The following DNAJC17 variants were observed in gnomAD, a reference collection of about 807,000 sequenced individuals.
DNAJC17 encodes the protein dnaJ homolog subfamily C member 17.
A neutral mutation model predicts 48.1 loss-of-function variants in DNAJC17; 35 were observed. The ratio of observed to expected loss-of-function variants is 0.73; its 90% CI spans 0.56 to 0.96. DNAJC17 has a LOEUF of 0.96. DNAJC17 is among the 50% of genes least tolerant of loss of function. The probability of loss-of-function intolerance (pLI) is 0.00; values close to 1 mark genes in which losing one functional copy is unlikely to be tolerated. For missense variants in DNAJC17, 355 were observed against 377.1 expected (o/e 0.94, Z 0.48); for synonymous variants, 117 against 142.7 (o/e 0.82, Z 1.28).
rs1383736592 is a variant in DNAJC17 at position 40,776,269 on chromosome 15, A to T, written c.405T>A (p.Gly135=). ...EQEIERLREE[G]SRQLEEQQRL... ...TCTGCTGTTCCTCCAGCTGCCGGGA[A>T]CCCTCTTCTCTCAGGCGTTCGATCT... Residue 135 remains glycine, a synonymous_variant, in exon 6 of 11, where the codon GGT becomes GGA. Coordinates refer to ENST00000220496, the MANE Select transcript of DNAJC17 (RefSeq NM_018163.3). 2 of 1,614,066 alleles carry T rather than the reference A, an allele frequency of 1.2e-6. No homozygotes were observed. The highest frequency in any genetic ancestry group is 3.3e-5 in the Admixed American group (2 of 60,018).
intron 1 of DNAJC17, among the ~76,000 whole-genome samples, chr15:40,802,939 A>G (rs114718284): frequency 0.054 from 8,186 of 152,110 alleles, 440 homozygotes; most frequent in African/African-American, 0.15. Context: ...CCCGATCTCT[A>G]CAAAAATACA....
intron 1 of DNAJC17, among the ~76,000 whole-genome samples, chr15:40,792,877 T>C (rs1319510396): frequency 9.9e-5 from 15 of 150,956 alleles, no homozygotes; most frequent in Admixed American, 9.9e-4. Flanking sequence ...AGACAGTAAA[T>C]GACCATGAAG....
At chr15:40,806,509 G>A (rs1332229297) in intron 1 of DNAJC17, among the ~76,000 whole-genome samples, 1 of 152,080 alleles carries the variant, frequency 6.6e-6, no homozygotes, top group South Asian at 2.1e-4. Flanking sequence ...GAGCCACCGC[G>A]CCCGGCCTAG....
chr15:40,784,729 C>T (rs1245289606), intron 1 of DNAJC17, among the ~76,000 whole-genome samples: 1 of 152,162 alleles, frequency 6.6e-6, no homozygotes, highest in Non-Finnish European at 1.5e-5. Context: ...TAAACCTCTG[C>T]CAGAGTGGTG....
chr15:40,788,758 C>T (rs1889715676), intron 1 of DNAJC17, among the ~76,000 whole-genome samples: 1 of 151,960 alleles, frequency 6.6e-6, no homozygotes, highest in South Asian at 2.1e-4. Flanking sequence ...ACCTGTAGTC[C>T]CAGCTACTTG....
At chr15:40,806,979 G>T in intron 1 of DNAJC17, 1 of 417,072 alleles carries the variant, frequency 2.4e-6, no homozygotes, top group Non-Finnish European at 4.3e-6. Flanking sequence ...GGCTCTTAGT[G>T]GAAGAATTAA....
At position 40,773,785 on chromosome 15, in the gene DNAJC17, G is replaced by T. The variant is rs1181307494; in HGVS notation, c.734C>A (p.Ser245Tyr). 6.2e-7 allele frequency: 1 copy of T among 1,614,064 alleles called. No homozygotes were observed. The highest frequency in any genetic ancestry group is 1.7e-5 in the Admixed American group (1 of 59,998). ...ATCCTGGGGCTGTCCCTCCAACCAGGAAATCTTCAGAGGGTTATCCACCAG... is the reference window on the plus strand; with the variant it reads ...ATCCTGGGGCTGTCCCTCCAACCAGTAAATCTTCAGAGGGTTATCCACCAG... ...VGLVDNPLKISWLEGQPQDAV... is the reference protein window; with the variant it reads ...VGLVDNPLKIYWLEGQPQDAV... The change falls in exon 10 of 11, where the codon TCC becomes TAC. Residue 245 changes from serine (S) to tyrosine (Y), a missense_variant. Around this residue, in one of 3 missense-constraint regions of DNAJC17, gnomAD observed 68 missense variants for 109.5 expected, o/e 0.62. Transcript: ENST00000220496.
intron 1 of DNAJC17, among the ~76,000 whole-genome samples, chr15:40,789,313 TC>T (rs1465210042): frequency 6.7e-6 from 1 of 149,916 alleles, no homozygotes; most frequent in Non-Finnish European, 1.5e-5. Flanking sequence ...GCTCCTCCCA[TC>T]CCCCCGGATC....
chr15:40,789,281 C>A (rs1354616370), intron 1 of DNAJC17, among the ~76,000 whole-genome samples: 2 of 152,056 alleles, frequency 1.3e-5, no homozygotes, highest in Non-Finnish European at 2.9e-5. Context: ...GGTTCCTCAG[C>A]CAATCCTGAG....
rs150163639 is a variant in DNAJC17 at position 40,803,795 on chromosome 15, T to C, written c.78+3574A>G. ...CAGGAGCAGCACCTGTTACCCTTTATAGAGTGGCTTCACACCTATCCCTTA... is the reference window on the plus strand; with the variant it reads ...CAGGAGCAGCACCTGTTACCCTTTACAGAGTGGCTTCACACCTATCCCTTA... On this transcript the variant is annotated intron_variant, in intron 1 of 10. Coordinates refer to ENST00000220496, the MANE Select transcript of DNAJC17 (RefSeq NM_018163.3). Among the ~76,000 whole-genome samples the C allele has an allele frequency of 9.7e-4, 148 of 152,204 alleles. No individual in the cohort carries two copies. In the Middle Eastern group the frequency reaches 0.014, roughly 14 times the overall value.
At chr15:40,803,491 A>T (rs564550826) in intron 1 of DNAJC17, among the ~76,000 whole-genome samples, 3 of 152,344 alleles carry the variant, frequency 2.0e-5, no homozygotes, top group Admixed American at 6.5e-5. Flanking sequence ...AAAGAAAAAT[A>T]GGTAAGGCCT....
intron 1 of DNAJC17, among the ~76,000 whole-genome samples, chr15:40,794,434 G>A (rs1011619368): frequency 2.0e-5 from 3 of 152,136 alleles, no homozygotes; most frequent in Non-Finnish European, 2.9e-5. Flanking sequence ...CACTTTGGGA[G>A]GCCAAGGCCA....
chr15:40,771,114 C>A, intron 10 of DNAJC17: 1 of 1,236,026 alleles, frequency 8.1e-7, no homozygotes, highest in Non-Finnish European at 1.1e-6. Flanking sequence ...AGGCCCATCG[C>A]TGGAGGGTTC....
intron 8 of DNAJC17, 63 bp from the exon 9 acceptor site, chr15:40,774,499 A>G (rs758944562): frequency 4.4e-6 from 7 of 1,585,752 alleles, no homozygotes; most frequent in Non-Finnish European, 6.1e-6. Flanking sequence ...AGGTCATGCC[A>G]GAGACAAGCC....
intron 1 of DNAJC17, among the ~76,000 whole-genome samples, chr15:40,789,903 C>CAA (rs71428311): frequency 0.02 from 398 of 20,022 alleles, 102 homozygotes; most frequent in Admixed American, 0.047. Flanking sequence ...CAGACTGTCT[C>CAA]AAAAAAAAAA....
intron 10 of DNAJC17, among the ~76,000 whole-genome samples, chr15:40,772,959 CTTTTT>C (rs754542485): frequency 7.5e-6 from 1 of 133,598 alleles, no homozygotes; most frequent in Non-Finnish European, 1.6e-5. Context: ...AGAGTTCCTT[CTTTTT>C]TTTTTTTTTT....
intron 4 of DNAJC17, among the ~76,000 whole-genome samples, chr15:40,778,308 C>T (rs1031430747): frequency 1.3e-5 from 2 of 152,118 alleles, no homozygotes; most frequent in African/African-American, 4.8e-5. Context: ...GGCTAGAGCA[C>T]AGCAGCGTGA....
At chr15:40,806,628 A>G (rs916207138) in intron 1 of DNAJC17, among the ~76,000 whole-genome samples, 2 of 152,044 alleles carry the variant, frequency 1.3e-5, no homozygotes, top group Non-Finnish European at 2.9e-5. Flanking sequence ...ACTAATTTTC[A>G]TTTGATGAAC....
chr15:40,776,474 C>T lies in DNAJC17; in HGVS notation c.381+68G>A, dbSNP rs868546616. On this transcript the variant is annotated intron_variant, in intron 5 of 10. Coordinates refer to ENST00000220496, the MANE Select transcript of DNAJC17 (RefSeq NM_018163.3). ...ATGCCCTCTCTAGCCACGGCGACCA[C>T]CAGGTCCATCCTCCCCCACCTCCTC... 28 of 1,584,080 alleles carry T rather than the reference C, an allele frequency of 1.8e-5. No homozygotes were observed. In the Middle Eastern group the frequency reaches 2.0e-3, roughly 113 times the overall value.
Sources: allele counts gnomAD v4.1 joint callset (sites outside exome capture counted in the v4.1 genomes callset), GRCh38; gene constraint gnomAD v4.1.1; regional missense constraint gnomAD v4.1.1; transcripts MANE v1.5; gene names NCBI Gene and HGNC (gene_info 2026-07-23, HGNC 2026-07-21).